The following SLIT2 variants were observed in gnomAD, a reference collection of about 807,000 sequenced individuals.
SLIT2 encodes slit guidance ligand 2.
SLIT2 carries 41 observed loss-of-function variants against 185.7 expected under a neutral mutation model. The ratio of observed to expected loss-of-function variants is 0.22; its 90% confidence interval spans 0.17 to 0.29. The LOEUF (loss-of-function observed/expected upper bound fraction) is 0.29. SLIT2 is among the 10% of genes least tolerant of loss of function. The pLI, the probability that SLIT2 is intolerant of heterozygous loss-of-function variation, is 1.00. For missense variants in SLIT2, 1,571 were observed against 1,909.0 expected (o/e 0.82, Z 3.30); for synonymous variants, 693 against 680.2 (o/e 1.02, Z -0.29).
rs7690492 is a variant in SLIT2, at chr4:20,542,561, C to T, written c.2211C>T (p.Val737=). 349,772 of 1,612,946 alleles carry T rather than the reference C, an allele frequency of 0.22. 43,140 individuals carry two copies. Among genetic ancestry groups the T allele is most frequent in the African/African-American group, 0.46 (34,543 of 74,848 alleles). Residue 737 remains valine (V), a synonymous_variant, in exon 21 of 37, where the codon GTC becomes GTT. Coordinates refer to ENST00000504154, the MANE Select transcript of SLIT2 (RefSeq NM_004787.4). Reference sequence around the variant, plus strand: ...CTGAATGTACTTGCTTGGATACAGTCGTCCGATGTAGCAACAAGGGTTTGA... The same window carrying T: ...CTGAATGTACTTGCTTGGATACAGTTGTCCGATGTAGCAACAAGGGTTTGA... ...CPTECTCLDT[V]VRCSNKGLKV...
chr4:20,341,380 G>C (rs548141609), intron 4 of SLIT2, among the ~76,000 whole-genome samples: 17 of 152,310 alleles, frequency 1.1e-4, no homozygotes, highest in African/African-American at 4.1e-4. Context: ...CACTAAGGGT[G>C]CTTAGGCAGC....
At position 20,528,862 on chromosome 4, in the gene SLIT2, A is replaced by G; in HGVS notation, c.1463-87A>G. On this transcript the variant is annotated intron_variant, in intron 15 of 36. Coordinates refer to ENST00000504154, the MANE Select transcript of SLIT2 (RefSeq NM_004787.4). The surrounding 1 kb of genome is among the most constrained non-coding windows in gnomAD (Gnocchi z 4.2). Reference sequence around the variant, plus strand: ...GTTGTCTCCCTGCTACATAATCTATAGTTATCTTACTTTTTTCTTCCTACA... The same window carrying G: ...GTTGTCTCCCTGCTACATAATCTATGGTTATCTTACTTTTTTCTTCCTACA... The G allele has an allele frequency of 6.6e-6, 7 of 1,055,086 alleles. No individual in the cohort carries two copies. Among genetic ancestry groups the G allele is most frequent in the Non-Finnish European group, 9.6e-6 (7 of 726,770 alleles). 65.4% of individuals were successfully genotyped at this position (1,055,086 alleles called of 1,614,324 possible).
At chr4:20,304,288 A>AAAGG (rs1278001626) in intron 4 of SLIT2, among the ~76,000 whole-genome samples, 5 of 152,306 alleles carry the variant, frequency 3.3e-5, no homozygotes, top group South Asian at 2.1e-4. Flanking sequence ...AAAACGAAAG[A>AAAGG]AAGGAAGGAA....
chr4:20,385,774 T>G (rs79761793), intron 4 of SLIT2, among the ~76,000 whole-genome samples: 2,081 of 152,312 alleles, frequency 0.014, 42 homozygotes, highest in African/African-American at 0.046. Context: ...TTCTGAAATA[T>G]GAGTGTTCAT....
At chr4:20,258,949 G>C (rs1179488084) in intron 3 of SLIT2, among the ~76,000 whole-genome samples, 1 of 151,674 alleles carries the variant, frequency 6.6e-6, no homozygotes, top group Non-Finnish European at 1.5e-5. Context: ...TTAATTCCCT[G>C]TAATTGTCCA....
At chr4:20,396,782 G>GT (rs910381998) in intron 4 of SLIT2, among the ~76,000 whole-genome samples, 21 of 145,478 alleles carry the variant, frequency 1.4e-4, no homozygotes, top group Admixed American at 2.8e-4. Flanking sequence ...TGCATATGTG[G>GT]TTTTTTTTGT....
rs142957640 is a variant in SLIT2, at chr4:20,375,636, A to G, written c.396-92116A>G. ...ACCTTCATTTTCTCATCATAAGTTG[A>G]AAGTGTTAACTTCTGTGTTCCTTTA... is the stretch of plus-strand genomic sequence containing the variant. On this transcript the variant is annotated intron_variant, in intron 4 of 36. Transcript: ENST00000504154. Among the ~76,000 whole-genome samples, 313 of 152,174 alleles carry G rather than the reference A, an allele frequency of 2.1e-3. 1 individual carries two copies. The highest frequency in any genetic ancestry group is 7.3e-3 in the African/African-American group (304 of 41,556).
rs1044508257 is a variant in SLIT2, at chr4:20,389,065, C to G, written c.396-78687C>G. 2.0e-5 allele frequency among the ~76,000 whole-genome samples: 3 copies of G among 150,124 alleles called. No homozygotes were observed. The East Asian group carries it at 5.8e-4, about 29-fold the overall frequency. On this transcript the variant is annotated intron_variant, in intron 4 of 36. Transcript: ENST00000504154. ...ATAGTTTATGCTTAAAATATCTGTT[C>G]TTAGTCTTGTTATCCATAAAGTTAA... is the stretch of plus-strand genomic sequence containing the variant.
intron 29 of SLIT2, among the ~76,000 whole-genome samples, chr4:20,588,568 GGAGTA>G (rs1411596799): frequency 3.3e-5 from 5 of 152,104 alleles, no homozygotes; most frequent in African/African-American, 4.8e-5. Context: ...TTCAAAAGTA[GGAGTA>G]AAGTAGAAAA....
At chr4:20,281,154 A>G (rs1319368310) in intron 4 of SLIT2, among the ~76,000 whole-genome samples, 1 of 152,060 alleles carries the variant, frequency 6.6e-6, no homozygotes, top group South Asian at 2.1e-4. Context: ...TGATTAAAGG[A>G]GATTTGATGC....
chr4:20,302,126 G>T (rs1005424963), intron 4 of SLIT2, among the ~76,000 whole-genome samples: 9 of 152,168 alleles, frequency 5.9e-5, no homozygotes, highest in African/African-American at 2.2e-4. Context: ...TCATCATTTT[G>T]CCAAAGGGGC....
chr4:20,282,894 AT>A (rs993892321), intron 4 of SLIT2, among the ~76,000 whole-genome samples: 3 of 151,894 alleles, frequency 2.0e-5, no homozygotes, highest in South Asian at 2.1e-4. Flanking sequence ...GACATATATT[AT>A]TTTTTTTGTG....
intron 21 of SLIT2, among the ~76,000 whole-genome samples, chr4:20,544,688 G>T (rs1232056545): frequency 2.0e-5 from 3 of 151,938 alleles, no homozygotes; most frequent in African/African-American, 7.3e-5. Flanking sequence ...TAAAGACTTT[G>T]GCAAAAATTA....
rs1577886232 is a variant in SLIT2 at position 20,539,545 on chromosome 4, C to T, written c.1937C>T (p.Ala646Val). Residue 646 changes from alanine to valine, a missense_variant, in exon 19 of 37, where the codon GCA becomes GTA. By Grantham distance (64) the Ala-to-Val change is moderately conservative (BLOSUM62 0). Coordinates refer to ENST00000504154, the MANE Select transcript of SLIT2 (RefSeq NM_004787.4). ...TATGATAATCAAATTACTACAGTTG[C>T]ACCAGGGGCATTTGATACTCTCCAT... ...SLYDNQITTV[A>V]PGAFDTLHSL... is the part of the protein sequence containing the mutation. The T allele has an allele frequency of 6.2e-7, 1 of 1,612,568 alleles. No individual in the cohort carries two copies. The highest frequency in any genetic ancestry group is 1.1e-5 in the South Asian group (1 of 91,032).
intron 4 of SLIT2, among the ~76,000 whole-genome samples, chr4:20,280,513 C>T (rs1006297415): frequency 4.6e-5 from 7 of 151,954 alleles, no homozygotes; most frequent in Non-Finnish European, 8.8e-5. Flanking sequence ...AGGGACCTTG[C>T]CCAATGTGTT....
At chr4:20,560,718 T>C (rs1724623382) in intron 26 of SLIT2, among the ~76,000 whole-genome samples, 1 of 151,920 alleles carries the variant, frequency 6.6e-6, no homozygotes, top group Non-Finnish European at 1.5e-5. Flanking sequence ...AAGACATTTA[T>C]TAAATAATTA....
intron 4 of SLIT2, among the ~76,000 whole-genome samples, chr4:20,413,306 A>G (rs931555252): frequency 1.3e-5 from 2 of 151,838 alleles, no homozygotes; most frequent in Admixed American, 6.6e-5. Context: ...TTTATTTCTA[A>G]TTTTATTTCA....
At position 20,548,535 on chromosome 4, in the gene SLIT2, G is replaced by A. The variant is rs778262135; in HGVS notation, c.2393G>A (p.Ser798Asn). 1 of 1,607,566 alleles carries A rather than the reference G, an allele frequency of 6.2e-7. No homozygotes were observed. Among genetic ancestry groups the A allele is most frequent in the South Asian group, 1.1e-5 (1 of 90,924 alleles). Residue 798 changes from serine to asparagine, a missense_variant, in exon 23 of 37, where the codon AGC becomes AAC. Transcript: ENST00000504154. ...AGCACGCTTTCTAATCAGAGCTTCA[G>A]CAACATGACCCAGCTCCTCACCTTG... is the stretch of plus-strand genomic sequence containing the variant. ...RISTLSNQSFSNMTQLLTLIL... is the reference protein window; with the variant it reads ...RISTLSNQSFNNMTQLLTLIL...
chr4:20,617,401 TG>T, intron 35 of SLIT2, 37 bp from the exon 36 acceptor site: 1 of 1,571,978 alleles, frequency 6.4e-7, no homozygotes, highest in Non-Finnish European at 8.8e-7. Context: ...CCTCCTCTTC[TG>T]AATGCATTCC....
Sources: allele counts gnomAD v4.1 joint callset (sites outside exome capture counted in the v4.1 genomes callset), GRCh38; gene constraint gnomAD v4.1.1; non-coding constraint Gnocchi (gnomAD v3.1); transcripts MANE v1.5; gene names NCBI Gene and HGNC (gene_info 2026-07-23, HGNC 2026-07-21).